Variants in ST7 observed in about 807,000 individuals in gnomAD.
The protein encoded by ST7 is suppression of tumorigenicity 7.
A neutral mutation model predicts 78.7 loss-of-function variants in ST7; 28 were observed. The observed-to-expected ratio is 0.36, with a 90% confidence interval of 0.26 to 0.49. The LOEUF (loss-of-function observed/expected upper bound fraction) is 0.49, where lower values mean the gene tolerates loss of function less well. ST7 is among the 20% of genes least tolerant of loss of function. The pLI is 0.99. For synonymous variants in ST7, 247 were observed against 249.6 expected, an observed-to-expected ratio of 0.99 and a Z score of 0.10; for missense variants, 418 against 696.0, an observed-to-expected ratio of 0.60 and a Z score of 4.49.
At position 117,099,784 on chromosome 7, in the gene ST7, A is replaced by G; in HGVS notation, c.174A>G (p.Leu58=). 1 of 1,613,550 alleles carries G rather than the reference A, an allele frequency of 6.2e-7. No homozygotes were observed. The highest frequency in any genetic ancestry group is 8.5e-7 in the Non-Finnish European group (1 of 1,179,794). The change falls in exon 2 of 16, where the codon TTA becomes TTG. Residue 58 remains leucine, a synonymous_variant. Coordinates refer to ENST00000323984, the MANE Select transcript of ST7 (RefSeq NM_001369598.1). ...CAGTGAGCATGTTTTTGAACACATT[A>G]ACACCGAAGTTCTACGTGGCCCTAA... ...LSTVSMFLNT[L]TPKFYVALTG... is the part of the protein sequence containing the mutation.
chr7:117,032,711 C>T (rs1796666350), intron 1 of ST7, among the ~76,000 whole-genome samples: 1 of 152,132 alleles, frequency 6.6e-6, no homozygotes, highest in South Asian at 2.1e-4. Flanking sequence ...TATGTATGTG[C>T]ATAATAGATA....
chr7:117,173,776 T>A (rs560726801), intron 10 of ST7, among the ~76,000 whole-genome samples: 2 of 152,164 alleles, frequency 1.3e-5, no homozygotes, highest in African/African-American at 2.4e-5. Flanking sequence ...TTTTTTGGAT[T>A]GTTTTTGGGT....
chr7:117,023,469 C>T (rs752477367), intron 1 of ST7, among the ~76,000 whole-genome samples: 2 of 152,172 alleles, frequency 1.3e-5, no homozygotes, highest in Non-Finnish European at 2.9e-5. Flanking sequence ...AGATTGGCCA[C>T]AGTCAGTCTA....
At chr7:117,134,009 T>C in intron 6 of ST7, 115 bp from the exon 7 acceptor site, 1 of 1,375,056 alleles carries the variant, frequency 7.3e-7, no homozygotes, top group Non-Finnish European at 9.7e-7. Flanking sequence ...CTTTGAATTT[T>C]TTGAAGTCCA....
intron 1 of ST7, among the ~76,000 whole-genome samples, chr7:117,047,469 T>C (rs1246991088): frequency 1.3e-5 from 2 of 152,200 alleles, no homozygotes; most frequent in East Asian, 3.8e-4. Flanking sequence ...TTTGATATGG[T>C]ATTCACATGA....
chr7:117,048,080 A>G (rs1797584154), intron 1 of ST7, among the ~76,000 whole-genome samples: 1 of 152,200 alleles, frequency 6.6e-6, no homozygotes. Context: ...AAGGAAGAGA[A>G]AATATATTTA....
At chr7:117,200,544 A>G (rs1810725999) in intron 12 of ST7, among the ~76,000 whole-genome samples, 1 of 152,144 alleles carries the variant, frequency 6.6e-6, no homozygotes. Context: ...AGAACCAGTA[A>G]ACCATCTGCT....
intron 1 of ST7, among the ~76,000 whole-genome samples, chr7:117,085,565 T>C (rs998209174): frequency 7.9e-5 from 12 of 152,234 alleles, no homozygotes; most frequent in Admixed American, 2.0e-4. Context: ...AAACTCCACA[T>C]GTTCAATGGA....
chr7:116,953,887 G>C (rs150094062), intron 1 of ST7, 196 bp downstream of exon 1: 20,113 of 167,454 alleles, frequency 0.12, 1,414 homozygotes, highest in East Asian at 0.29. Context: ...GGGGCGGCCG[G>C]TGGCCTTCAC....
intron 1 of ST7, among the ~76,000 whole-genome samples, chr7:117,027,452 T>C (rs921372614): frequency 8.2e-6 from 1 of 121,924 alleles, no homozygotes; most frequent in Non-Finnish European, 1.6e-5. Context: ...AAGTGAAAAG[T>C]AAAGTAAAGT....
intron 4 of ST7, 86 bp downstream of exon 4, chr7:117,129,933 G>A (rs1356843045): frequency 1.9e-6 from 2 of 1,077,870 alleles, no homozygotes; most frequent in Non-Finnish European, 1.4e-6. Context: ...TTCATTTAGG[G>A]GTCATTGTAA....
chr7:117,023,777 T>TTATA (rs10668527), intron 1 of ST7, among the ~76,000 whole-genome samples: 5,395 of 147,690 alleles, frequency 0.037, 215 homozygotes, highest in African/African-American at 0.097. Context: ...CTTAATTTGA[T>TTATA]TATATATATA....
At chr7:116,998,464 A>G (rs1794781171) in intron 1 of ST7, among the ~76,000 whole-genome samples, 1 of 152,202 alleles carries the variant, frequency 6.6e-6, no homozygotes, top group Non-Finnish European at 1.5e-5. Context: ...CGGCGGGCTG[A>G]AGGGCCCCTC....
intron 12 of ST7, among the ~76,000 whole-genome samples, chr7:117,209,401 A>G (rs78343788): frequency 0.011 from 1,728 of 152,316 alleles, 20 homozygotes; most frequent in Non-Finnish European, 0.015. Flanking sequence ...AATCTTTCTA[A>G]TGCACTTGGT....
intron 1 of ST7, among the ~76,000 whole-genome samples, chr7:116,997,465 C>T (rs939320293): frequency 6.6e-6 from 1 of 152,186 alleles, no homozygotes; most frequent in African/African-American, 2.4e-5. Context: ...TCCAAGTCCC[C>T]ACTAGATTAG....
In ST7 at chr7:117,044,817, T is replaced by C. The variant is rs547222697; in HGVS notation, c.152-54945T>C. Among the ~76,000 whole-genome samples the C allele has an allele frequency of 4.6e-5, 7 of 152,302 alleles. No homozygotes were observed. In the South Asian group the frequency reaches 1.5e-3, roughly 32 times the overall value. On this transcript the variant is annotated intron_variant, in intron 1 of 15. Transcript: ENST00000323984. ...CAGACATCTCCCGAATTCATATCTC[T>C]AGTCTAGACCTCCCTGAGCTCAAAC...
Position 117,131,882 on chromosome 7 carries a change from T to C in ST7, c.566-3T>C. The C allele has an allele frequency of 6.2e-7, 1 of 1,610,498 alleles. No homozygotes were observed. The highest frequency in any genetic ancestry group is 8.5e-7 in the Non-Finnish European group (1 of 1,177,624). Reference sequence around the variant, plus strand: ...CTTGGTGTTTTCTCTTTTTCTTAAATAGTAATGCAGAAAGCCTGGAGAGAG... The same window carrying C: ...CTTGGTGTTTTCTCTTTTTCTTAAACAGTAATGCAGAAAGCCTGGAGAGAG... On this transcript the variant is annotated splice_region_variant and splice_polypyrimidine_tract_variant and intron_variant, in intron 5 of 15. Transcript: ENST00000323984.
At chr7:117,018,938 T>C (rs1255995879) in intron 1 of ST7, among the ~76,000 whole-genome samples, 2 of 152,234 alleles carry the variant, frequency 1.3e-5, no homozygotes, top group African/African-American at 2.4e-5. Context: ...GAATAAACTG[T>C]GGTACATTCA....
intron 1 of ST7, among the ~76,000 whole-genome samples, chr7:117,063,848 CT>C (rs1798487032): frequency 6.6e-6 from 1 of 152,158 alleles, no homozygotes; most frequent in Non-Finnish European, 1.5e-5. Context: ...ACCTTTGGTA[CT>C]ACATCTTGGG....
Sources: gnomAD v4.1 joint callset for allele counts (sites outside exome capture counted in the v4.1 genomes callset) on GRCh38, gnomAD v4.1.1 for gene constraint, MANE v1.5 for transcripts, NCBI Gene and HGNC (gene_info 2026-07-23, HGNC 2026-07-21) for gene names.